The following ATP7A variants were observed in gnomAD, a reference collection of about 807,000 sequenced individuals.
The protein encoded by ATP7A is ATPase copper transporting alpha.
ATP7A carries 7 observed loss-of-function variants against 83.5 expected under a neutral mutation model. The ratio of observed to expected loss-of-function variants is 0.08; its 90% CI spans 0.05 to 0.16. The LOEUF is 0.16. ATP7A is among the 10% of genes least tolerant of loss of function. The pLI, the probability that ATP7A is intolerant of heterozygous loss-of-function variation, is 1.00. For synonymous variants in ATP7A, 354 were observed against 395.2 expected, an observed-to-expected ratio of 0.90 and a Z score of 1.24; for missense variants, 940 against 1,120.8, an observed-to-expected ratio of 0.84 and a Z score of 2.30.
intron 2 of ATP7A, among the ~76,000 whole-genome samples, chrX:77,976,240 G>C (rs1183260648): frequency 8.9e-6 from 1 of 112,238 alleles, no homozygotes; most frequent in Non-Finnish European, 1.9e-5. Context: ...TTTTAAGGGC[G>C]TGAATGATTA....
chrX:77,942,050 A>T (rs1000634769), intron 1 of ATP7A, among the ~76,000 whole-genome samples: 10 of 112,099 alleles, frequency 8.9e-5, no homozygotes, highest in African/African-American at 3.2e-4. Context: ...TCTCAGGTTT[A>T]CTATTTTTAG....
intron 17 of ATP7A, among the ~76,000 whole-genome samples, chrX:78,037,980 GTTTTTTTTT>G (rs782643561): frequency 1.2e-3 from 61 of 51,201 alleles, no homozygotes; most frequent in African/African-American, 4.7e-3. Flanking sequence ...ATCAAGAAAG[GTTTTTTTTT>G]TTTTTTTTTT....
At chrX:77,913,397 G>A (rs1246101220) in intron 1 of ATP7A, among the ~76,000 whole-genome samples, 1 of 111,206 alleles carries the variant, frequency 9.0e-6, no homozygotes, top group Non-Finnish European at 1.9e-5. Flanking sequence ...AGCTCAACAT[G>A]GGGCCGGGGC....
chrX:77,979,112 G>A (rs1035940609), intron 2 of ATP7A, among the ~76,000 whole-genome samples: 2 of 111,288 alleles, frequency 1.8e-5, no homozygotes, highest in Non-Finnish European at 3.8e-5. Flanking sequence ...GATTACAGGT[G>A]TGAGCCACTG....
intron 6 of ATP7A, among the ~76,000 whole-genome samples, chrX:78,005,136 G>A (rs189469271): frequency 9.0e-6 from 1 of 110,801 alleles, no homozygotes; most frequent in African/African-American, 3.3e-5. Flanking sequence ...AGAAATATTT[G>A]GAGCATTTTT....
chrX:78,001,783 G>A (rs782017028), intron 5 of ATP7A, among the ~76,000 whole-genome samples: 42 of 110,016 alleles, frequency 3.8e-4, no homozygotes, highest in South Asian at 1.1e-3. Flanking sequence ...TTTCTTCCTG[G>A]CAATGACAGC....
At chrX:78,012,356 T>G (rs1603385551) in intron 9 of ATP7A, among the ~76,000 whole-genome samples, 1 of 111,433 alleles carries the variant, frequency 9.0e-6, no homozygotes, top group Non-Finnish European at 1.9e-5. Context: ...TTTCGTAGCT[T>G]GTGATATACC....
intron 1 of ATP7A, among the ~76,000 whole-genome samples, chrX:77,927,689 G>T (rs2077249295): frequency 9.0e-6 from 1 of 110,796 alleles, no homozygotes; most frequent in Non-Finnish European, 1.9e-5. Context: ...ACAATGTGCA[G>T]GTTTGTTACA....
intron 1 of ATP7A, chrX:77,968,813 G>C (rs1446338988): frequency 1.1e-5 from 13 of 1,198,402 alleles, no homozygotes; most frequent in East Asian, 8.9e-5. Flanking sequence ...AGGTGGGAGG[G>C]GCAGAGGGAC....
At chrX:77,942,185 T>A (rs2149054760) in intron 1 of ATP7A, among the ~76,000 whole-genome samples, 1 of 112,284 alleles carries the variant, frequency 8.9e-6, no homozygotes, top group African/African-American at 3.2e-5. Flanking sequence ...TAAAAAAGAA[T>A]ATTTTCTCAA....
At chrX:77,979,075 G>GC (rs1261796647) in intron 2 of ATP7A, among the ~76,000 whole-genome samples, 4 of 110,784 alleles carry the variant, frequency 3.6e-5, no homozygotes, top group Admixed American at 1.9e-4. Flanking sequence ...CAGATGATCC[G>GC]CCCCCCTTCA....
intron 7 of ATP7A, among the ~76,000 whole-genome samples, chrX:78,010,427 G>T (rs1908924163): frequency 9.0e-6 from 1 of 111,711 alleles, no homozygotes; most frequent in Non-Finnish European, 1.9e-5. Context: ...TCTATGGTCA[G>T]ATAAGTCTTG....
intron 2 of ATP7A, among the ~76,000 whole-genome samples, chrX:77,973,465 T>C (rs2077560018): frequency 8.9e-6 from 1 of 112,320 alleles, no homozygotes; most frequent in South Asian, 3.6e-4. Context: ...ACAATTTGTA[T>C]TGTCAGTCTT....
At chrX:77,948,573 A>G (rs1342470763) in intron 1 of ATP7A, among the ~76,000 whole-genome samples, 1 of 112,584 alleles carries the variant, frequency 8.9e-6, no homozygotes, top group Non-Finnish European at 1.9e-5. Context: ...TCTGAATGGC[A>G]GCAACTTAAA....
intron 12 of ATP7A, among the ~76,000 whole-genome samples, chrX:78,017,869 C>T (rs945647419): frequency 2.9e-5 from 3 of 103,965 alleles, no homozygotes; most frequent in Non-Finnish European, 5.9e-5. Flanking sequence ...CTCTGCCTCC[C>T]GGTTCACCCC....
Position 78,011,686 on chromosome X carries a change from G to T in ATP7A, c.2172+12G>T, listed in dbSNP as rs1557234548. 8.4e-7 allele frequency: 1 copy of T among 1,197,066 alleles called. No homozygotes were observed. Among genetic ancestry groups the T allele is most frequent in the South Asian group, 1.8e-5 (1 of 56,592 alleles). ...GTGTACCTGTACAGGCAAGTGAATT[G>T]TTAGCAAATATATTTGTTAATAATA... On this transcript the variant is annotated intron_variant, in intron 9 of 22. Transcript: ENST00000341514.
chrX:77,969,112 T>C (rs2077527856), intron 1 of ATP7A: 1 of 1,210,067 alleles, frequency 8.3e-7, no homozygotes, highest in South Asian at 1.8e-5. Context: ...TTTCCCCTCC[T>C]TGATCTGGGG....
In ATP7A at chrX:77,988,527, G is replaced by A. The variant is rs781912401; in HGVS notation, c.406G>A (p.Ala136Thr). 4 of 1,211,419 alleles carry A rather than the reference G, an allele frequency of 3.3e-6. No individual in the cohort carries two copies. The Admixed American group carries it at 6.5e-5, about 20-fold the overall frequency. ...AVTIIPSIVNANQIKELVPEL... is the reference protein window; with the variant it reads ...AVTIIPSIVNTNQIKELVPEL... Reference sequence around the variant, plus strand: ...GACAATAATCCCTTCTATAGTGAATGCCAATCAGATAAAAGAGCTGGTTCC... The same window carrying A: ...GACAATAATCCCTTCTATAGTGAATACCAATCAGATAAAAGAGCTGGTTCC... The change falls in exon 3 of 23, where the codon GCC (alanine) becomes ACC (threonine). Residue 136 changes from alanine to threonine, a missense_variant. Ala to Thr is a moderately conservative substitution (Grantham distance 58). Around this residue, in one of 3 missense-constraint regions of ATP7A, gnomAD observed 350 missense variants for 432.8 expected, o/e 0.81. Coordinates refer to ENST00000341514, the MANE Select transcript of ATP7A (RefSeq NM_000052.7).
intron 2 of ATP7A, among the ~76,000 whole-genome samples, chrX:77,980,450 GTAAA>G (rs782194031): frequency 3.6e-5 from 4 of 109,692 alleles, no homozygotes; most frequent in Admixed American, 2.0e-4. Context: ...AACTCAAAAA[GTAAA>G]TAAATAAAAT....
Sources: allele counts gnomAD v4.1 joint callset (sites outside exome capture counted in the v4.1 genomes callset), GRCh38; gene constraint gnomAD v4.1.1; regional missense constraint gnomAD v4.1.1; transcripts MANE v1.5; gene names NCBI Gene and HGNC (gene_info 2026-07-23, HGNC 2026-07-21).